The following NEK10 variants were observed in gnomAD, a reference collection of about 807,000 sequenced individuals.
NEK10 encodes the protein NIMA related kinase 10.
A neutral mutation model predicts 159.8 loss-of-function variants in NEK10; 122 were observed. That is an observed-to-expected ratio of 0.76 (90% CI 0.66 to 0.89). The LOEUF (loss-of-function observed/expected upper bound fraction) is 0.89, where lower values mean the gene tolerates loss of function less well. Ranked by LOEUF, NEK10 falls within the 40% of genes least tolerant of loss-of-function variation. The pLI is 0.00. For synonymous variants in NEK10, 466 were observed against 457.1 expected (o/e 1.02, Z -0.25); for missense variants, 1,342 against 1,323.1 (o/e 1.01, Z -0.22).
At chr3:27,331,255 A>C (rs1262542278) in intron 5 of NEK10, among the ~76,000 whole-genome samples, 5 of 145,580 alleles carry the variant, frequency 3.4e-5, no homozygotes, top group African/African-American at 7.5e-5. Flanking sequence ...AAAAAACAAA[A>C]AAAAAAAACA....
At chr3:27,127,491 G>A (rs1161346389) in intron 32 of NEK10, among the ~76,000 whole-genome samples, 1 of 152,122 alleles carries the variant, frequency 6.6e-6, no homozygotes, top group East Asian at 1.9e-4. Flanking sequence ...GGAGCCTATT[G>A]TTCCTATGCT....
In NEK10 at chr3:27,174,831, C is replaced by T; in HGVS notation, c.2508G>A (p.Glu836=). Residue 836 remains glutamate, a splice_region_variant and synonymous_variant, in exon 27 of 36, where the codon GAG becomes GAA. Transcript: ENST00000691995. ...TACTCAAACTTGCCTTCTCAAAGGT[C>T]TCCTGGAAAGAGAAATTCAGTTTTT... ...CHHELAVLSH[E]TFEKASLSSS... 6.3e-7 allele frequency: 1 copy of T among 1,575,060 alleles called. No homozygotes were observed. The highest frequency in any genetic ancestry group is 1.4e-5 in the African/African-American group (1 of 72,804).
intron 16 of NEK10, 72 bp downstream of exon 16, chr3:27,293,516 A>C (rs2043147138): frequency 1.4e-6 from 1 of 737,226 alleles, no homozygotes; most frequent in Non-Finnish European, 2.3e-6. Context: ...CATCTAAGCC[A>C]AGTATGTGAA....
At chr3:27,162,141 C>T in intron 30 of NEK10, 2 of 276,000 alleles carry the variant, frequency 7.2e-6, no homozygotes, top group South Asian at 7.6e-5. Flanking sequence ...TACAGAAATA[C>T]CTATGTAAAA....
intron 22 of NEK10, among the ~76,000 whole-genome samples, chr3:27,266,731 C>T (rs939816886): frequency 6.6e-6 from 1 of 152,198 alleles, no homozygotes; most frequent in Admixed American, 6.5e-5. Context: ...CCTTCGCCAG[C>T]TGGCTTGATG....
intron 13 of NEK10, among the ~76,000 whole-genome samples, 169 bp downstream of exon 13, chr3:27,301,527 G>T (rs760735037): frequency 6.6e-5 from 10 of 152,154 alleles, no homozygotes; most frequent in Non-Finnish European, 1.2e-4. Flanking sequence ...TCATTCATCT[G>T]CAAGTCCAAC....
intron 23 of NEK10, among the ~76,000 whole-genome samples, chr3:27,220,307 T>G (rs1216876172): frequency 6.6e-6 from 1 of 152,206 alleles, no homozygotes; most frequent in Admixed American, 6.5e-5. Context: ...TCTATTTCCT[T>G]GCCTTTTTCC....
intron 23 of NEK10, among the ~76,000 whole-genome samples, chr3:27,227,345 C>T (rs2149188132): frequency 6.6e-6 from 1 of 152,298 alleles, no homozygotes; most frequent in Non-Finnish European, 1.5e-5. Flanking sequence ...AGGGGAAAGA[C>T]ATGGAAGCAG....
chr3:27,173,043 A>T (rs1441604859), intron 28 of NEK10, among the ~76,000 whole-genome samples: 2 of 152,190 alleles, frequency 1.3e-5, no homozygotes, highest in African/African-American at 4.8e-5. Flanking sequence ...ACAATACTGA[A>T]TTTCGGTTAC....
chr3:27,217,065 CT>C (rs1951610737), intron 23 of NEK10, among the ~76,000 whole-genome samples: 1 of 152,114 alleles, frequency 6.6e-6, no homozygotes, highest in Admixed American at 6.5e-5. Flanking sequence ...AAAAATTTTA[CT>C]GACAGGCTTC....
chr3:27,293,470 T>A, intron 16 of NEK10, 118 bp downstream of exon 16: 1 of 520,284 alleles, frequency 1.9e-6, no homozygotes, highest in Non-Finnish European at 3.4e-6. Flanking sequence ...TGAAGACACA[T>A]GGTTTGCATA....
chr3:27,308,096 G>T (rs1336073216), intron 10 of NEK10, among the ~76,000 whole-genome samples, 151 bp from the exon 11 acceptor site: 4 of 152,194 alleles, frequency 2.6e-5, no homozygotes, highest in Non-Finnish European at 5.9e-5. Flanking sequence ...GCATGGCTAG[G>T]GAGGCCTCAG....
chr3:27,301,595 T>A (rs2043827641), intron 13 of NEK10, 101 bp downstream of exon 13: 2 of 897,970 alleles, frequency 2.2e-6, no homozygotes, highest in African/African-American at 1.7e-5. Flanking sequence ...TTTTGTAAAC[T>A]TCTAAATTTT....
intron 32 of NEK10, among the ~76,000 whole-genome samples, chr3:27,122,841 C>A (rs1941494618): frequency 6.6e-6 from 1 of 152,064 alleles, no homozygotes; most frequent in Non-Finnish European, 1.5e-5. Context: ...ATGACAAGGA[C>A]AAGTCATCTT....
chr3:27,214,005 C>T (rs1171371178), intron 23 of NEK10, among the ~76,000 whole-genome samples: 1 of 152,168 alleles, frequency 6.6e-6, no homozygotes, highest in Non-Finnish European at 1.5e-5. Context: ...GGGCAGCCAC[C>T]TATGCAACTT....
chr3:27,280,636 T>C (rs972669076), intron 22 of NEK10, among the ~76,000 whole-genome samples: 4 of 152,066 alleles, frequency 2.6e-5, no homozygotes, highest in East Asian at 1.9e-4. Context: ...AAAGTTTAGA[T>C]ACTGATTTTG....
At chr3:27,190,324 A>G (rs1949002053) in intron 26 of NEK10, among the ~76,000 whole-genome samples, 1 of 152,180 alleles carries the variant, frequency 6.6e-6, no homozygotes, top group Non-Finnish European at 1.5e-5. Context: ...ATACTGATAG[A>G]GGAAATTATA....
intron 32 of NEK10, among the ~76,000 whole-genome samples, chr3:27,128,399 A>G (rs1332255592): frequency 6.6e-6 from 1 of 152,184 alleles, no homozygotes; most frequent in Non-Finnish European, 1.5e-5. Flanking sequence ...ATTGGTGATC[A>G]TATCTAGGTG....
intron 26 of NEK10, among the ~76,000 whole-genome samples, chr3:27,177,267 G>A (rs1328771170): frequency 6.6e-6 from 1 of 152,126 alleles, no homozygotes; most frequent in African/African-American, 2.4e-5. Flanking sequence ...TTCTAGGCCA[G>A]GCATGGTGGC....
Sources: allele counts gnomAD v4.1 joint callset (sites outside exome capture counted in the v4.1 genomes callset), GRCh38; gene constraint gnomAD v4.1.1; transcripts MANE v1.5; gene names NCBI Gene and HGNC (gene_info 2026-07-23, HGNC 2026-07-21).